TRPC4: variants seen among roughly 807,000 people sequenced by gnomAD.
TRPC4 encodes the protein short transient receptor potential channel 4.
TRPC4 carries 49 observed loss-of-function variants against 99.4 expected under a neutral mutation model. The ratio of observed to expected loss-of-function variants is 0.49; its 90% confidence interval spans 0.39 to 0.63. The LOEUF (loss-of-function observed/expected upper bound fraction) is 0.63, where lower values mean the gene tolerates loss of function less well. Ranked by LOEUF, TRPC4 falls within the 20% of genes least tolerant of loss-of-function variation. The pLI is 0.00. For synonymous variants in TRPC4, 454 were observed against 425.9 expected, an observed-to-expected ratio of 1.07 and a Z score of -0.81; for missense variants, 898 against 1,152.9, an observed-to-expected ratio of 0.78 and a Z score of 3.20.
intron 4 of TRPC4, among the ~76,000 whole-genome samples, chr13:37,684,290 C>T (rs1319148899): frequency 6.6e-6 from 1 of 152,064 alleles, no homozygotes; most frequent in African/African-American, 2.4e-5. Context: ...GCTTAAACCA[C>T]TATGGGTTTT....
chr13:37,780,340 A>C (rs7321072), intron 2 of TRPC4, among the ~76,000 whole-genome samples: 1 of 151,798 alleles, frequency 6.6e-6, no homozygotes. Flanking sequence ...CCTCTTTCTT[A>C]ACTCATTTTA....
intron 1 of TRPC4, among the ~76,000 whole-genome samples, chr13:37,787,219 A>G (rs929106796): frequency 6.6e-6 from 1 of 151,862 alleles, no homozygotes; most frequent in African/African-American, 2.4e-5. Context: ...ACAACATTTT[A>G]TTTTCTTCCC....
chr13:37,720,517 G>A (rs945891430), intron 3 of TRPC4, among the ~76,000 whole-genome samples: 1 of 151,872 alleles, frequency 6.6e-6, no homozygotes, highest in Non-Finnish European at 1.5e-5. Context: ...ACTTTTCTGT[G>A]TTTCTGGTGT....
intron 5 of TRPC4, among the ~76,000 whole-genome samples, chr13:37,667,195 C>G (rs141198495): frequency 9.8e-4 from 150 of 152,296 alleles, no homozygotes; most frequent in Non-Finnish European, 1.7e-3. Context: ...CTCTTCATCA[C>G]TACCCTCACT....
chr13:37,804,748 G>C (rs17272200), intron 1 of TRPC4, among the ~76,000 whole-genome samples: 21,904 of 151,996 alleles, frequency 0.14, 2,004 homozygotes, highest in Non-Finnish European at 0.19. Context: ...CTGTTTTAAA[G>C]TGTTTTCAAA....
intron 3 of TRPC4, among the ~76,000 whole-genome samples, chr13:37,702,138 G>A (rs955087832): frequency 3.2e-4 from 48 of 152,054 alleles, no homozygotes; most frequent in Non-Finnish European, 5.1e-4. Context: ...CTGCCATCAC[G>A]TGGCATTCTC....
At chr13:37,744,451 G>A (rs1955681159) in intron 3 of TRPC4, among the ~76,000 whole-genome samples, 1 of 152,176 alleles carries the variant, frequency 6.6e-6, no homozygotes, top group African/African-American at 2.4e-5. Flanking sequence ...TGATTTTAGA[G>A]TTAGAGGGAA....
rs1392316192 is a variant in TRPC4 at position 37,745,918 on chromosome 13, C to G, written c.897+19G>C. The G allele has an allele frequency of 4.4e-6, 7 of 1,595,450 alleles. No homozygotes were observed. The highest frequency in any genetic ancestry group is 1.7e-5 in the Admixed American group (1 of 58,950). The stretch of plus-strand genomic sequence containing the variant: ...TAAACTCTATGGCATTTTGATGGAT[C>G]AAGTCTGGCAACACTCACCTCTTTT... On this transcript the variant is annotated intron_variant, in intron 3 of 10. Coordinates refer to ENST00000379705, the MANE Select transcript of TRPC4 (RefSeq NM_016179.4).
rs1951422356 is a variant in TRPC4 at position 37,632,724 on chromosome 13, C to T, written c.*4179G>A. On this transcript the variant is annotated 3_prime_UTR_variant, in exon 11 of 11. Transcript: ENST00000379705. ...CATTTTATTATTACCAGTATGCATA[C>T]AGGTTATCATAAAATCTACACTTCC... Among the ~76,000 whole-genome samples the T allele has an allele frequency of 6.6e-6, 1 of 152,124 alleles. No individual in the cohort carries two copies. Among genetic ancestry groups the T allele is most frequent in the African/African-American group, 2.4e-5 (1 of 41,430 alleles).
At chr13:37,717,459 C>T (rs1346642874) in intron 3 of TRPC4, among the ~76,000 whole-genome samples, 2 of 152,150 alleles carry the variant, frequency 1.3e-5, no homozygotes, top group East Asian at 1.9e-4. Flanking sequence ...GAATCTCTGT[C>T]AGCTGTGGTG....
chr13:37,809,395 CT>C (rs2139465713), intron 1 of TRPC4, among the ~76,000 whole-genome samples: 1 of 150,866 alleles, frequency 6.6e-6, no homozygotes, highest in Admixed American at 6.6e-5. Flanking sequence ...TGCAGTGACT[CT>C]TTTGGATATC....
chr13:37,826,587 T>C (rs1958221590), intron 1 of TRPC4, among the ~76,000 whole-genome samples: 1 of 152,046 alleles, frequency 6.6e-6, no homozygotes, highest in African/African-American at 2.4e-5. Flanking sequence ...TCTTTAAGAA[T>C]GTTGAATATT....
chr13:37,807,975 TG>T (rs1957572749), intron 1 of TRPC4, among the ~76,000 whole-genome samples: 1 of 152,140 alleles, frequency 6.6e-6, no homozygotes, highest in Admixed American at 6.6e-5. Flanking sequence ...TTCCTAGTTA[TG>T]GACCTCTTTC....
intron 2 of TRPC4, among the ~76,000 whole-genome samples, chr13:37,774,799 G>C (rs1286681410): frequency 6.6e-6 from 1 of 151,710 alleles, no homozygotes; most frequent in East Asian, 1.9e-4. Context: ...CAGGGAATAA[G>C]TGAATATAGC....
chr13:37,657,722 A>T (rs1444412912), intron 6 of TRPC4, among the ~76,000 whole-genome samples: 1 of 152,204 alleles, frequency 6.6e-6, no homozygotes, highest in Non-Finnish European at 1.5e-5. Flanking sequence ...TGAATAGTAC[A>T]CATTTGCTCC....
chr13:37,858,336 C>T (rs1959191346), intron 1 of TRPC4, among the ~76,000 whole-genome samples: 1 of 151,612 alleles, frequency 6.6e-6, no homozygotes, highest in Non-Finnish European at 1.5e-5. Flanking sequence ...ATTAATACAA[C>T]CACAATGAAA....
chr13:37,834,668 T>C (rs1165043994), intron 1 of TRPC4, among the ~76,000 whole-genome samples: 1 of 152,236 alleles, frequency 6.6e-6, no homozygotes, highest in African/African-American at 2.4e-5. Context: ...AGATGCACTC[T>C]GGTTTCTCCA....
At chr13:37,811,573 G>A (rs977233275) in intron 1 of TRPC4, among the ~76,000 whole-genome samples, 4 of 152,142 alleles carry the variant, frequency 2.6e-5, no homozygotes, top group Non-Finnish European at 5.9e-5. Context: ...GAGGAGAGAA[G>A]TGTGCAAAGG....
intron 1 of TRPC4, among the ~76,000 whole-genome samples, chr13:37,833,462 G>A (rs1404769432): frequency 6.6e-6 from 1 of 152,118 alleles, no homozygotes; most frequent in African/African-American, 2.4e-5. Context: ...TCACTTAGCT[G>A]TTAACGTCTT....
Sources: gnomAD v4.1 joint callset for allele counts (sites outside exome capture counted in the v4.1 genomes callset) on GRCh38, gnomAD v4.1.1 for gene constraint, MANE v1.5 for transcripts, NCBI Gene and HGNC (gene_info 2026-07-23, HGNC 2026-07-21) for gene names.